Variants in MILR1 observed in about 807,000 individuals in gnomAD.
MILR1 encodes allergin-1.
Under a neutral mutation model 18.5 loss-of-function variants are expected in MILR1, and 31 were observed. The observed-to-expected ratio is 1.68, with a 90% CI of 1.26 to 2.26. The LOEUF is 2.26. Among genes scored for constraint, MILR1 ranks in the 30% most tolerant of loss-of-function variants. The probability of loss-of-function intolerance (pLI) is 0.00; values close to 1 mark genes in which losing one functional copy is unlikely to be tolerated. For synonymous variants in MILR1, 85 were observed against 56.2 expected, an observed-to-expected ratio of 1.51 and a Z score of -2.30; for missense variants, 257 against 157.4, an observed-to-expected ratio of 1.63 and a Z score of -3.38.
chr17:64,496,645 C>A, the MILR1 span: 13 of 1,613,926 alleles, frequency 8.1e-6, no homozygotes, highest in East Asian at 2.9e-4. Context: ...CGGCCAGGTT[C>A]TTCCGCAACT....
the MILR1 span, chr17:64,490,922 T>C: frequency 6.2e-7 from 1 of 1,614,000 alleles, no homozygotes; most frequent in Middle Eastern, 1.6e-4. Context: ...TCCGGCCTTC[T>C]TCATCCTGAC....
the MILR1 span, chr17:64,496,788 CG>C: frequency 6.2e-7 from 1 of 1,613,922 alleles, no homozygotes. Context: ...TCTCCAGACC[CG>C]GGGGCTTCTG....
At chr17:64,484,480 A>G in the MILR1 span, among the ~76,000 whole-genome samples, 2 of 152,142 alleles carry the variant, frequency 1.3e-5, no homozygotes, top group Non-Finnish European at 2.9e-5. Flanking sequence ...CCTGAGTGAG[A>G]TGAGAAGCTT....
intron 5 of MILR1, among the ~76,000 whole-genome samples, 171 bp downstream of exon 5, chr17:64,461,103 C>T (rs937652373): frequency 5.3e-5 from 8 of 152,012 alleles, no homozygotes; most frequent in Non-Finnish European, 8.8e-5. Context: ...ACTTCCTGAA[C>T]GGTTCATGCA....
chr17:64,496,784 G>A, the MILR1 span: 1 of 1,613,832 alleles, frequency 6.2e-7, no homozygotes, highest in Non-Finnish European at 8.5e-7. Flanking sequence ...TCCCTCTCCA[G>A]ACCCGGGGGC....
At chr17:64,462,941 A>G (rs2037465451) in intron 5 of MILR1, among the ~76,000 whole-genome samples, 1 of 152,036 alleles carries the variant, frequency 6.6e-6, no homozygotes, top group South Asian at 2.1e-4. Context: ...TTACTTTTGC[A>G]CCAACCTAAT....
chr17:64,467,556 A>C lies in MILR1; in HGVS notation c.980-9A>C. 1.3e-6 allele frequency: 2 copies of C among 1,485,504 alleles called. No individual in the cohort carries two copies. Among genetic ancestry groups the C allele is most frequent in the South Asian group, 2.4e-5 (2 of 82,008 alleles). The allele number at this position is 1,485,504 out of a possible 1,614,324, so 92.0% of individuals were successfully genotyped here. Reference sequence around the variant, plus strand: ...TCCTAAGTAAATTATTTTCCCTTTTATATTTCAGAAGCCTGTGATTCTTAT... The same window carrying C: ...TCCTAAGTAAATTATTTTCCCTTTTCTATTTCAGAAGCCTGTGATTCTTAT... On this transcript the variant is annotated splice_polypyrimidine_tract_variant and intron_variant, in intron 8 of 9. Transcript: ENST00000619286.
the MILR1 span, chr17:64,480,385 C>T: frequency 6.6e-7 from 1 of 1,512,786 alleles, no homozygotes; most frequent in South Asian, 1.1e-5. Context: ...TAGCCCTTGA[C>T]AAACCTAGAA....
At chr17:64,474,468 G>A in the MILR1 span, among the ~76,000 whole-genome samples, 4 of 151,982 alleles carry the variant, frequency 2.6e-5, no homozygotes, top group South Asian at 2.1e-4. Context: ...TTGACTCCCC[G>A]GGCTCAAGCC....
At chr17:64,481,445 C>T in the MILR1 span, 43 of 984,440 alleles carry the variant, frequency 4.4e-5, no homozygotes, top group Non-Finnish European at 5.1e-5. Context: ...CTGAAGGAGT[C>T]TCTGGAACGA....
chr17:64,455,265 T>G, intron 3 of MILR1, among the ~76,000 whole-genome samples: 1 of 152,276 alleles, frequency 6.6e-6, no homozygotes, highest in Middle Eastern at 3.4e-3. Flanking sequence ...AAAACTATCT[T>G]GGTAGATTAT....
chr17:64,449,182 T>A lies in MILR1; in HGVS notation c.14T>A (p.Leu5Ter). 2 of 471,842 alleles carry A rather than the reference T, an allele frequency of 4.2e-6. No individual in the cohort carries two copies. The allele number at this position is 471,842 out of a possible 1,614,324, so 29.2% of individuals were successfully genotyped here. A position where few individuals can be genotyped will look rare whatever the true frequency, so the allele number is the denominator to read the frequency against. Reference sequence around the variant, plus strand: ...TCAACTGGGAGAATGTGGAGCCATTTGAACAGGCTCCTCTTCTGGAGCATA... The same window carrying A: ...TCAACTGGGAGAATGTGGAGCCATTAGAACAGGCTCCTCTTCTGGAGCATA... MWSH[L>*]NRLLFWSIFS... The change falls in exon 1 of 10, where the codon TTG (leucine) becomes TAG (stop). Residue 5 changes from leucine to a stop codon, truncating the protein, a stop_gained. Transcript: ENST00000619286. LOFTEE classifies it high-confidence loss of function.
intron 2 of MILR1, among the ~76,000 whole-genome samples, chr17:64,451,593 A>G (rs2037171339): frequency 6.6e-6 from 1 of 152,138 alleles, no homozygotes; most frequent in Admixed American, 6.6e-5. Flanking sequence ...AAAAAAACTT[A>G]GGGATGGCTA....
rs2037603599 is a variant in MILR1 at position 64,467,602 on chromosome 17, T to C, written c.1017T>C (p.Ser339=). Residue 339 remains serine (S), a synonymous_variant, in exon 9 of 10, where the codon TCT becomes TCC. Coordinates refer to ENST00000619286, the MANE Select transcript of MILR1 (RefSeq NM_001085423.2). ...CTTATAAATCTGGATATGTCTATTC[T>C]GAACTCAACTTCTGAAATTTACAGA... ...CDSYKSGYVY[S]ELNF The C allele has an allele frequency of 6.4e-7, 1 of 1,564,274 alleles. No individual in the cohort carries two copies. Among genetic ancestry groups the C allele is most frequent in the African/African-American group, 1.3e-5 (1 of 74,194 alleles).
At chr17:64,477,847 A>G in the MILR1 span, 2 of 1,606,910 alleles carry the variant, frequency 1.2e-6, no homozygotes, top group Non-Finnish European at 1.7e-6. Flanking sequence ...CTGATGATAT[A>G]TACTTAATCA....
chr17:64,495,940 C>T, the MILR1 span, among the ~76,000 whole-genome samples: 1 of 152,144 alleles, frequency 6.6e-6, no homozygotes, highest in Non-Finnish European at 1.5e-5. Context: ...AACTCCTGAC[C>T]TCAGGTGATC....
At chr17:64,491,046 T>C in the MILR1 span, 3 of 1,126,020 alleles carry the variant, frequency 2.7e-6, no homozygotes, top group Non-Finnish European at 4.0e-6. Flanking sequence ...TCTGTAAGAA[T>C]TTAAATTGTC....
At chr17:64,451,360 C>T (rs1335299918) in intron 2 of MILR1, among the ~76,000 whole-genome samples, 3 of 151,902 alleles carry the variant, frequency 2.0e-5, no homozygotes, top group East Asian at 3.9e-4. Context: ...AGGCTGGTCT[C>T]GAACTCCTGG....
downstream of MILR1, among the ~76,000 whole-genome samples, chr17:64,472,465 CAAAAAAAAAAAAAAAAAA>C (rs71158332): frequency 5.0e-4 from 7 of 13,920 alleles, no homozygotes; most frequent in South Asian, 4.6e-3. Context: ...GACTCCATCT[CAAAAAAAAAAAAAAAAAA>C]AAAAAAAAAA....
Sources: allele counts gnomAD v4.1 joint callset (sites outside exome capture counted in the v4.1 genomes callset), GRCh38; gene constraint gnomAD v4.1.1; transcripts MANE v1.5; gene names NCBI Gene and HGNC (gene_info 2026-07-23, HGNC 2026-07-21).